UPF2: variants seen among roughly 807,000 people sequenced by gnomAD.
UPF2 encodes the protein UPF2 regulator of nonsense mediated mRNA decay.
UPF2 carries 17 observed loss-of-function variants against 141.4 expected under a neutral mutation model. The ratio of observed to expected loss-of-function variants is 0.12; its 90% CI spans 0.08 to 0.18. The LOEUF is 0.18. Ranked by LOEUF, UPF2 falls within the 10% of genes least tolerant of loss-of-function variation. The pLI, the probability that UPF2 is intolerant of heterozygous loss-of-function variation, is 1.00. For synonymous variants in UPF2, 540 were observed against 498.0 expected (o/e 1.08, Z -1.12); for missense variants, 1,152 against 1,515.9 (o/e 0.76, Z 3.99).
In UPF2 at chr10:11,940,662, G is replaced by A. The variant is rs1232956559; in HGVS notation, c.3378+2003C>T. Among the ~76,000 whole-genome samples, 3 of 152,138 alleles carry A rather than the reference G, an allele frequency of 2.0e-5. No individual in the cohort carries two copies. The highest frequency in any genetic ancestry group is 7.2e-5 in the African/African-American group (3 of 41,430). ...AATCCAGCGCCAAATAAGCCAGGTC[G>A]TTCTACCTCCGAAATAGCTCAAATC... On this transcript the variant is annotated intron_variant, in intron 18 of 21. Transcript: ENST00000357604. The surrounding 1 kb of genome is among the most constrained non-coding windows in gnomAD (Gnocchi z 4.2).
intron 8 of UPF2, among the ~76,000 whole-genome samples, chr10:11,981,771 C>T (rs529242047): frequency 1.3e-5 from 2 of 152,242 alleles, no homozygotes; most frequent in Middle Eastern, 3.4e-3. Context: ...CTGCAACCTC[C>T]GCCTCCCGGG....
chr10:11,961,704 C>T (rs751327215), intron 11 of UPF2, among the ~76,000 whole-genome samples: 4 of 152,158 alleles, frequency 2.6e-5, no homozygotes, highest in Non-Finnish European at 4.4e-5. Flanking sequence ...CTGTCACATA[C>T]GTAGCACCTA....
At chr10:11,972,125 T>A (rs1229976106) in intron 9 of UPF2, among the ~76,000 whole-genome samples, 1 of 150,664 alleles carries the variant, frequency 6.6e-6, no homozygotes, top group East Asian at 1.9e-4. Flanking sequence ...ACACATGAAC[T>A]GTAAGGATTT....
chr10:12,021,081 T>C (rs1834309504), intron 3 of UPF2, among the ~76,000 whole-genome samples: 1 of 152,192 alleles, frequency 6.6e-6, no homozygotes, highest in Non-Finnish European at 1.5e-5. Context: ...TGGGTGGATA[T>C]TACATAATTG....
chr10:11,999,227 A>AG (rs1804543927), intron 7 of UPF2, among the ~76,000 whole-genome samples: 1 of 152,052 alleles, frequency 6.6e-6, no homozygotes, highest in South Asian at 2.1e-4. Context: ...AGAAAAAAAA[A>AG]CATCGGCCGG....
chr10:11,976,015 T>C (rs1346322717), intron 9 of UPF2, among the ~76,000 whole-genome samples: 2 of 152,256 alleles, frequency 1.3e-5, no homozygotes, highest in Non-Finnish European at 1.5e-5. Flanking sequence ...AATGTGTGAA[T>C]GCCTCTAGGG....
chr10:11,997,687 A>G lies in UPF2; in HGVS notation c.1829T>C (p.Ile610Thr). Residue 610 changes from isoleucine (I) to threonine (T), a missense_variant, in exon 8 of 22, where the codon ATA becomes ACA. Ile to Thr is a moderately conservative substitution (Grantham distance 89, BLOSUM62 -1). Coordinates refer to ENST00000357604, the MANE Select transcript of UPF2 (RefSeq NM_015542.4). ...NRKKLVRALF[I>T]VPRQRLDLLP... ...TAACACTTACCTTTGTCTAGGAACTATGAAGAGTGCCCGTACCAACTTCTT... is the reference window on the plus strand; with the variant it reads ...TAACACTTACCTTTGTCTAGGAACTGTGAAGAGTGCCCGTACCAACTTCTT... The G allele has an allele frequency of 6.2e-7, 1 of 1,613,866 alleles. No individual in the cohort carries two copies. Among genetic ancestry groups the G allele is most frequent in the Non-Finnish European group, 8.5e-7 (1 of 1,179,866 alleles).
chr10:12,039,776 A>G (rs1834702918), intron 1 of UPF2, among the ~76,000 whole-genome samples: 1 of 151,982 alleles, frequency 6.6e-6, no homozygotes, highest in African/African-American at 2.4e-5. Flanking sequence ...ATGTGCCACC[A>G]TGCCCGGCTA....
intron 1 of UPF2, among the ~76,000 whole-genome samples, chr10:12,040,962 G>C (rs930933894): frequency 2.2e-4 from 33 of 152,204 alleles, no homozygotes; most frequent in African/African-American, 7.7e-4. Context: ...ACATTCCAAG[G>C]ATAGCAGCAG....
chr10:11,927,785 T>C (rs1297188665), intron 21 of UPF2, among the ~76,000 whole-genome samples: 1 of 152,176 alleles, frequency 6.6e-6, no homozygotes, highest in Non-Finnish European at 1.5e-5. Flanking sequence ...TTTTCTACAT[T>C]ACAATTTGAT....
chr10:11,931,827 G>A lies in UPF2; in HGVS notation c.3547-45C>T. 2 of 1,561,784 alleles carry A rather than the reference G, an allele frequency of 1.3e-6. No individual in the cohort carries two copies. The highest frequency in any genetic ancestry group is 2.3e-5 in the East Asian group (1 of 43,860). On this transcript the variant is annotated intron_variant, in intron 19 of 21. Coordinates refer to ENST00000357604, the MANE Select transcript of UPF2 (RefSeq NM_015542.4). This position sits in a 1 kb window ranked among gnomAD's most constrained non-coding sequence, Gnocchi z 5.9. ...GAGTTACAAATAGTTTGAGAACACT[G>A]AGAGAAAGAAAAAACAGACTTCAAA...
rs1832903271 is a variant in UPF2, at chr10:11,939,040, T to C, written c.3379-2328A>G. Among the ~76,000 whole-genome samples the C allele has an allele frequency of 6.6e-6, 1 of 151,660 alleles. No individual in the cohort carries two copies. Among genetic ancestry groups the C allele is most frequent in the East Asian group, 1.9e-4 (1 of 5,170 alleles). On this transcript the variant is annotated intron_variant, in intron 18 of 21. Transcript: ENST00000357604. The surrounding 1 kb of genome is among the most constrained non-coding windows in gnomAD (Gnocchi z 4.8). ...GGCACCCACCACCACAACCAGCTAA[T>C]TTTTTGTATTTACTGGAGACGGGGT...
intron 11 of UPF2, among the ~76,000 whole-genome samples, chr10:11,962,643 T>C (rs1042561417): frequency 5.9e-5 from 9 of 152,168 alleles, no homozygotes; most frequent in Non-Finnish European, 2.9e-5. Flanking sequence ...TCCATACTAA[T>C]CTTTCTAAAA....
intron 1 of UPF2, among the ~76,000 whole-genome samples, chr10:12,036,384 G>A (rs955910306): frequency 2.6e-5 from 4 of 152,128 alleles, no homozygotes; most frequent in African/African-American, 9.7e-5. Flanking sequence ...GTCATATGTG[G>A]TTACTTAAAT....
chr10:12,036,088 T>C (rs572673699), intron 1 of UPF2, among the ~76,000 whole-genome samples: 8 of 152,342 alleles, frequency 5.3e-5, no homozygotes, highest in African/African-American at 1.9e-4. Context: ...AATTTATAAA[T>C]AAACATGAAC....
intron 8 of UPF2, among the ~76,000 whole-genome samples, chr10:11,984,469 A>C (rs1052040511): frequency 6.6e-6 from 1 of 152,100 alleles, no homozygotes; most frequent in Non-Finnish European, 1.5e-5. Context: ...TGAATTTCTA[A>C]AACTTTTATC....
intron 14 of UPF2, among the ~76,000 whole-genome samples, chr10:11,954,642 AAAT>A (rs760850411): frequency 0.15 from 7,755 of 53,380 alleles, 276 homozygotes; most frequent in Non-Finnish European, 0.24. Context: ...TCAAAAAAAA[AAAT>A]ATATATATAT....
chr10:11,937,564 C>G (rs1588527024), intron 18 of UPF2, among the ~76,000 whole-genome samples: 2 of 152,248 alleles, frequency 1.3e-5, no homozygotes, highest in South Asian at 4.1e-4. Context: ...CGGAGGGAAT[C>G]GAGGCAGGGG....
rs370809266 is a variant in UPF2, at chr10:12,029,435, G to A, written c.455C>T (p.Pro152Leu). Residue 152 changes from proline to leucine, a missense_variant, in exon 3 of 22, where the codon CCG becomes CTG. Around this residue, in one of 4 missense-constraint regions of UPF2, gnomAD observed 739 missense variants for 1,032.2 expected, o/e 0.72. Transcript: ENST00000357604. ...GAAGTTTTCCTCTGGTCGGCTGTCC[G>A]GAGCATTTTGGTTTTTGCTACGAAG... Reference protein sequence around the residue: ...KELRSKNQNAPDSRPEENFFS... With the variant: ...KELRSKNQNALDSRPEENFFS... 8 of 1,613,682 alleles carry A rather than the reference G, an allele frequency of 5.0e-6. No homozygotes were observed. Among genetic ancestry groups the A allele is most frequent in the African/African-American group, 2.7e-5 (2 of 74,886 alleles).
Sources: allele counts gnomAD v4.1 joint callset (sites outside exome capture counted in the v4.1 genomes callset), GRCh38; gene constraint gnomAD v4.1.1; regional missense constraint gnomAD v4.1.1; non-coding constraint Gnocchi (gnomAD v3.1); transcripts MANE v1.5; gene names NCBI Gene and HGNC (gene_info 2026-07-23, HGNC 2026-07-21).